Variants in ANK3 observed in about 807,000 individuals in gnomAD.
ANK3 encodes ankyrin 3, also known as ankyrin-3.
ANK3 carries 57 observed loss-of-function variants against 370.9 expected under a neutral mutation model. The observed-to-expected ratio is 0.15, with a 90% CI of 0.12 to 0.19. ANK3 has a LOEUF of 0.19. Among genes scored for constraint, ANK3 ranks in the 10% least tolerant of loss-of-function variants. The pLI, the probability that ANK3 is intolerant of heterozygous loss-of-function variation, is 1.00. For missense variants in ANK3, 4,439 were observed against 5,302.1 expected, an observed-to-expected ratio of 0.84 and a Z score of 5.06; for synonymous variants, 1,929 against 1,946.3, an observed-to-expected ratio of 0.99 and a Z score of 0.23.
intron 2 of ANK3, among the ~76,000 whole-genome samples, chr10:60,408,051 C>T (rs1184052172): frequency 1.4e-4 from 21 of 152,226 alleles, no homozygotes; most frequent in Admixed American, 1.3e-3. Flanking sequence ...TCCAACCCAC[C>T]TTCTATGTGA....
chr10:60,634,282 T>C (rs773440537), intron 1 of ANK3, among the ~76,000 whole-genome samples: 2 of 152,116 alleles, frequency 1.3e-5, no homozygotes, highest in African/African-American at 2.4e-5. Context: ...AAGAGGAAAA[T>C]AGTACAAGAT....
rs536700674 is a variant in ANK3, at chr10:60,678,885, G to A, written c.57+54378C>T. Among the ~76,000 whole-genome samples, 11 of 152,318 alleles carry A rather than the reference G, an allele frequency of 7.2e-5. No homozygotes were observed. In the South Asian group the frequency reaches 8.3e-4, roughly 11 times the overall value. On this transcript the variant is annotated intron_variant, in intron 1 of 43. Transcript: ENST00000373827. ...CCAATGCTTAGACTTGGATTTGGAA[G>A]TTAAGTTACCTGGGAATAGTCTCAG...
intron 1 of ANK3, among the ~76,000 whole-genome samples, chr10:60,621,128 C>A (rs577224961): frequency 6.6e-6 from 1 of 152,130 alleles, no homozygotes; most frequent in Non-Finnish European, 1.5e-5. Flanking sequence ...AAAAGCAATT[C>A]GGTCAAATAT....
At chr10:60,382,797 C>CTATATGTATATATATATATA (rs1045326313) in intron 1 of ANK3, among the ~76,000 whole-genome samples, 1 of 133,744 alleles carries the variant, frequency 7.5e-6, no homozygotes, top group African/African-American at 2.7e-5. Flanking sequence ...ATACCTAAAT[C>CTATATGTATATATATATATA]TATATATATA....
chr10:60,613,557 G>A (rs1252611356), intron 2 of ANK3, among the ~76,000 whole-genome samples: 1 of 152,170 alleles, frequency 6.6e-6, no homozygotes, highest in Non-Finnish European at 1.5e-5. Context: ...TTGTGTGCCT[G>A]ACCCAGATAA....
In ANK3 at chr10:60,179,417, G is replaced by A. The variant is rs533742316; in HGVS notation, c.2184+1912C>T. The stretch of plus-strand genomic sequence containing the variant: ...GGGGTACAAAAATGACTACGTGGCC[G>A]GGAACGGTGGCTCATGCCTGTAATC... On this transcript the variant is annotated intron_variant, in intron 18 of 43. Coordinates refer to ENST00000280772, the MANE Select transcript of ANK3 (RefSeq NM_020987.5). 4.5e-4 allele frequency among the ~76,000 whole-genome samples: 68 copies of A among 152,330 alleles called. No individual in the cohort carries two copies. In the South Asian group the frequency reaches 0.012, roughly 27 times the overall value.
chr10:60,054,663 G>A (rs2078792509), intron 42 of ANK3, among the ~76,000 whole-genome samples: 1 of 152,190 alleles, frequency 6.6e-6, no homozygotes, highest in South Asian at 2.1e-4. Context: ...GAGCGATTGA[G>A]TTTGCTAAAA....
At chr10:60,532,807 A>G (rs922868239) in intron 2 of ANK3, among the ~76,000 whole-genome samples, 3 of 152,136 alleles carry the variant, frequency 2.0e-5, no homozygotes, top group Non-Finnish European at 4.4e-5. Flanking sequence ...CTGAAGATGC[A>G]TAATGTTATG....
chr10:60,378,601 G>T (rs2061126592), intron 1 of ANK3, among the ~76,000 whole-genome samples: 1 of 152,038 alleles, frequency 6.6e-6, no homozygotes, highest in South Asian at 2.1e-4. Flanking sequence ...GGGGAAAGGA[G>T]AATTCCTTCA....
At chr10:60,674,208 AT>A (rs2079096990) in intron 1 of ANK3, among the ~76,000 whole-genome samples, 1 of 152,132 alleles carries the variant, frequency 6.6e-6, no homozygotes, top group South Asian at 2.1e-4. Context: ...AAAATGTTTA[AT>A]TTGATGAGTT....
intron 7 of ANK3, among the ~76,000 whole-genome samples, chr10:60,261,298 C>T (rs115624553): frequency 0.034 from 5,160 of 152,278 alleles, 285 homozygotes; most frequent in African/African-American, 0.12. Context: ...GATGTCCAAC[C>T]TGCTGTGCAG....
In ANK3 at chr10:60,691,761, A is replaced by G. The variant is rs573782151; in HGVS notation, c.57+41502T>C. Among the ~76,000 whole-genome samples, 36 of 152,234 alleles carry G rather than the reference A, an allele frequency of 2.4e-4. 1 individual carries two copies. In the South Asian group the frequency reaches 6.8e-3, roughly 29 times the overall value. On this transcript the variant is annotated intron_variant, in intron 1 of 43. Transcript: ENST00000373827. ...TACAGTATCTGCATTTTAATTCCTAACCCTGGGCTTTCACCTGCTCTCCTC... is the reference window on the plus strand; with the variant it reads ...TACAGTATCTGCATTTTAATTCCTAGCCCTGGGCTTTCACCTGCTCTCCTC...
At chr10:60,226,054 T>C (rs574894071) in intron 8 of ANK3, among the ~76,000 whole-genome samples, 256 of 142,922 alleles carry the variant, frequency 1.8e-3, no homozygotes, top group African/African-American at 6.0e-3. Flanking sequence ...AGAGAGTGTA[T>C]ATAGTATATA....
chr10:60,641,313 G>A (rs1278803185), intron 1 of ANK3, among the ~76,000 whole-genome samples: 4 of 151,308 alleles, frequency 2.6e-5, no homozygotes, highest in African/African-American at 4.9e-5. Flanking sequence ...AAAAGAGCCC[G>A]CATCGCCAAG....
chr10:60,364,646 C>T (rs1379849660), intron 1 of ANK3, among the ~76,000 whole-genome samples: 1 of 151,996 alleles, frequency 6.6e-6, no homozygotes, highest in Non-Finnish European at 1.5e-5. Flanking sequence ...ACCTAAGTAA[C>T]AAACCTGCAC....
intron 1 of ANK3, among the ~76,000 whole-genome samples, chr10:60,287,323 C>A (rs1047981829): frequency 3.3e-5 from 5 of 152,152 alleles, no homozygotes; most frequent in African/African-American, 1.2e-4. Context: ...AAAATATGGT[C>A]ACTTTCTTTT....
At chr10:60,341,585 C>T (rs2132983242) in intron 1 of ANK3, among the ~76,000 whole-genome samples, 1 of 152,190 alleles carries the variant, frequency 6.6e-6, no homozygotes, top group Admixed American at 6.5e-5. Context: ...ACATGGCAGG[C>T]TTCTGCTTTG....
At chr10:60,474,315 G>A (rs913932367) in intron 2 of ANK3, among the ~76,000 whole-genome samples, 8 of 152,150 alleles carry the variant, frequency 5.3e-5, no homozygotes, top group African/African-American at 1.4e-4. Context: ...TGGAGACAGT[G>A]CTTCCACGCA....
chr10:60,521,411 G>A (rs1350951764), intron 2 of ANK3, among the ~76,000 whole-genome samples: 2 of 152,020 alleles, frequency 1.3e-5, no homozygotes, highest in Non-Finnish European at 2.9e-5. Flanking sequence ...AGCTACTTAG[G>A]CTCCTGATCA....
Sources: gnomAD v4.1 joint callset for allele counts (sites outside exome capture counted in the v4.1 genomes callset) on GRCh38, gnomAD v4.1.1 for gene constraint, MANE v1.5 for transcripts, NCBI Gene and HGNC (gene_info 2026-07-23, HGNC 2026-07-21) for gene names.